PKP4: variants seen among roughly 807,000 people sequenced by gnomAD.
PKP4 encodes the protein plakophilin-4.
PKP4 carries 90 observed loss-of-function variants against 145.1 expected under a neutral mutation model. That is an observed-to-expected ratio of 0.62 (90% confidence interval 0.52 to 0.74). The LOEUF is 0.74. PKP4 is among the 30% of genes least tolerant of loss of function. PKP4 has a pLI of 0.00. For synonymous variants in PKP4, 563 were observed against 577.2 expected (o/e 0.98, Z 0.35); for missense variants, 1,340 against 1,482.7 (o/e 0.90, Z 1.58).
Position 158,663,275 on chromosome 2 carries a change from G to A in PKP4, c.2407G>A (p.Asp803Asn), listed in dbSNP as rs984632513. ...ACGTGTGCTGTTTGTCTTTCAGTGG[G>A]ATGGAGTTGGTCCTATCCCAGGACT... ...KKRTPQEDQW[D>N]GVGPIPGLSK... is the part of the protein sequence containing the mutation. Residue 803 changes from aspartate to asparagine, a missense_variant, in exon 15 of 22, where the codon GAT becomes AAT. Physicochemically the swap from Asp to Asn is conservative, Grantham distance 23. Coordinates refer to ENST00000389759, the MANE Select transcript of PKP4 (RefSeq NM_003628.6). 2 of 1,612,260 alleles carry A rather than the reference G, an allele frequency of 1.2e-6. No individual in the cohort carries two copies. The highest frequency in any genetic ancestry group is 1.7e-6 in the Non-Finnish European group (2 of 1,179,414).
intron 20 of PKP4, 92 bp downstream of exon 20, chr2:158,676,959 A>T: frequency 7.0e-7 from 1 of 1,437,860 alleles, no homozygotes; most frequent in African/African-American, 1.4e-5. Flanking sequence ...CTGTGCTTGT[A>T]TTGAGACAGT....
intron 2 of PKP4, among the ~76,000 whole-genome samples, chr2:158,537,697 G>T (rs1335895300): frequency 1.3e-5 from 2 of 152,134 alleles, no homozygotes; most frequent in Non-Finnish European, 2.9e-5. Context: ...ACTTGATACT[G>T]GTTAGTGCCT....
intron 1 of PKP4, among the ~76,000 whole-genome samples, chr2:158,473,010 C>T (rs1691838894): frequency 6.6e-6 from 1 of 152,100 alleles, no homozygotes; most frequent in African/African-American, 2.4e-5. Context: ...CATGAACAGA[C>T]ACTTTTCAAA....
chr2:158,457,281 C>T (rs1440584428), intron 1 of PKP4, 63 bp downstream of exon 1: 2 of 151,730 alleles, frequency 1.3e-5, no homozygotes, highest in Non-Finnish European at 2.9e-5. Flanking sequence ...CGGCCCTCGC[C>T]CCGAACACGC....
At chr2:158,560,967 G>A (rs1254005781) in intron 2 of PKP4, among the ~76,000 whole-genome samples, 1 of 152,226 alleles carries the variant, frequency 6.6e-6, no homozygotes, top group African/African-American at 2.4e-5. Flanking sequence ...CTTACAAGTT[G>A]TTAAACTACA....
Position 158,678,174 on chromosome 2 carries a change from T to C in PKP4, c.3257-407T>C, listed in dbSNP as rs1453529810. 4.6e-5 allele frequency among the ~76,000 whole-genome samples: 7 copies of C among 152,294 alleles called. No homozygotes were observed. The East Asian group carries it at 1.4e-3, about 29-fold the overall frequency. ...GCTTGTTCGAATATTGTGTTTCGCT[T>C]CTCCTCTCTGACCCACTGCCGTAGC... On this transcript the variant is annotated intron_variant, in intron 20 of 21. Transcript: ENST00000389759.
chr2:158,646,301 T>C (rs1357907835), intron 11 of PKP4, among the ~76,000 whole-genome samples: 2 of 152,236 alleles, frequency 1.3e-5, no homozygotes, highest in Non-Finnish European at 2.9e-5. Flanking sequence ...CTTCAAAACA[T>C]TGAAATGAGA....
At chr2:158,664,858 C>T (rs1219503136) in intron 15 of PKP4, among the ~76,000 whole-genome samples, 1 of 152,216 alleles carries the variant, frequency 6.6e-6, no homozygotes, top group Non-Finnish European at 1.5e-5. Flanking sequence ...TAGTGAGATA[C>T]TCCCAGCACA....
intron 2 of PKP4, among the ~76,000 whole-genome samples, chr2:158,552,473 G>A (rs933888862): frequency 6.6e-6 from 1 of 152,140 alleles, no homozygotes; most frequent in African/African-American, 2.4e-5. Context: ...TGGATAATGG[G>A]TAGAGTCTGG....
intron 2 of PKP4, among the ~76,000 whole-genome samples, chr2:158,573,304 C>G (rs1169990281): frequency 6.6e-6 from 1 of 152,106 alleles, no homozygotes; most frequent in Admixed American, 6.6e-5. Context: ...CAAAACAATG[C>G]TGTATCTGTT....
At chr2:158,494,666 C>T (rs1223002390) in intron 1 of PKP4, among the ~76,000 whole-genome samples, 2 of 152,102 alleles carry the variant, frequency 1.3e-5, no homozygotes. Flanking sequence ...AAATAAAGTG[C>T]ACTTAATGGT....
intron 2 of PKP4, among the ~76,000 whole-genome samples, chr2:158,538,534 CTTTTTTTTT>C (rs11346852): frequency 3.6e-5 from 4 of 110,062 alleles, no homozygotes; most frequent in African/African-American, 1.3e-4. Context: ...TCTCTAACCA[CTTTTTTTTT>C]TTTTTTTTTT....
intron 9 of PKP4, among the ~76,000 whole-genome samples, chr2:158,639,681 CATT>C (rs2054112484): frequency 6.6e-6 from 1 of 151,732 alleles, no homozygotes; most frequent in Non-Finnish European, 1.5e-5. Context: ...AATCAGATGA[CATT>C]AGAAAATCCT....
intron 1 of PKP4, among the ~76,000 whole-genome samples, chr2:158,490,823 A>T (rs1363179071): frequency 6.6e-6 from 1 of 151,986 alleles, no homozygotes; most frequent in Non-Finnish European, 1.5e-5. Context: ...GAAATTCTTT[A>T]GTTGGATGTT....
At chr2:158,505,228 A>C (rs1434678889) in intron 1 of PKP4, among the ~76,000 whole-genome samples, 26 of 152,248 alleles carry the variant, frequency 1.7e-4, no homozygotes. Flanking sequence ...TGCCATAGGC[A>C]TGCTGAATAT....
At chr2:158,665,663 C>T (rs1408083536) in intron 15 of PKP4, among the ~76,000 whole-genome samples, 1 of 152,166 alleles carries the variant, frequency 6.6e-6, no homozygotes, top group African/African-American at 2.4e-5. Flanking sequence ...TCTAACGTTA[C>T]TCTTTTTGGT....
intron 19 of PKP4, among the ~76,000 whole-genome samples, chr2:158,675,061 C>T (rs188514602): frequency 5.4e-4 from 82 of 152,276 alleles, no homozygotes; most frequent in African/African-American, 1.9e-3. Flanking sequence ...AACATCCTTG[C>T]TAAGCTCCCA....
chr2:158,602,184 A>G (rs2050287106), intron 3 of PKP4, among the ~76,000 whole-genome samples: 1 of 152,156 alleles, frequency 6.6e-6, no homozygotes, highest in Admixed American at 6.5e-5. Flanking sequence ...TGGGATCACA[A>G]GCTGTTCTGC....
At chr2:158,476,504 A>AT (rs1252247174) in intron 1 of PKP4, among the ~76,000 whole-genome samples, 12 of 151,002 alleles carry the variant, frequency 7.9e-5, no homozygotes, top group Admixed American at 2.0e-4. Flanking sequence ...CTAATTTTTT[A>AT]TTTTTTTCTA....
Sources: allele counts gnomAD v4.1 joint callset (sites outside exome capture counted in the v4.1 genomes callset), GRCh38; gene constraint gnomAD v4.1.1; transcripts MANE v1.5; gene names NCBI Gene and HGNC (gene_info 2026-07-23, HGNC 2026-07-21).